Variants in GLG1 observed in about 807,000 individuals in gnomAD.
The protein encoded by GLG1 is Golgi apparatus protein 1.
A neutral mutation model predicts 160.5 loss-of-function variants in GLG1; 38 were observed. That is an observed-to-expected ratio of 0.24 (90% CI 0.18 to 0.31). The LOEUF is 0.31. Ranked by LOEUF, GLG1 falls within the 10% of genes least tolerant of loss-of-function variation. The pLI is 1.00. For missense variants in GLG1, 1,373 were observed against 1,505.2 expected (o/e 0.91, Z 1.45); for synonymous variants, 644 against 543.4 (o/e 1.19, Z -2.57).
At position 74,606,905 on chromosome 16, in the gene GLG1, G is replaced by A. The variant is rs1465322193; in HGVS notation, c.190C>T (p.Pro64Ser). Residue 64 changes from proline (P) to serine (S), a missense_variant, in exon 1 of 26, where the codon CCC becomes TCC. Physicochemically the swap from Pro to Ser is moderately conservative, Grantham distance 74 (BLOSUM62 -1). Around this residue, in one of 4 missense-constraint regions of GLG1, gnomAD observed 322 missense variants for 254.6 expected, o/e 1.26. Transcript: ENST00000422840. ...GGGGPAGQQL[P>S]QLPQSSQLQQ... ...AGCTGCGATGACTGAGGCAGCTGGG[G>A]CAGCTGCTGACCCGCCGGGCCGCCG... 1.2e-6 allele frequency: 2 copies of A among 1,605,054 alleles called. No individual in the cohort carries two copies. The highest frequency in any genetic ancestry group is 1.3e-5 in the African/African-American group (1 of 75,008).
At chr16:74,510,101 G>A (rs982739137) in intron 2 of GLG1, among the ~76,000 whole-genome samples, 3 of 150,482 alleles carry the variant, frequency 2.0e-5, no homozygotes, top group Admixed American at 1.3e-4. Context: ...GCGCGATCTC[G>A]GCTCACCACA....
rs1292801661 is a variant in GLG1 at position 74,450,947 on chromosome 16, C to A, written c.*2220G>T. 1 of 151,778 alleles carries A rather than the reference C, an allele frequency of 6.6e-6. No homozygotes were observed. Among genetic ancestry groups the A allele is most frequent in the Non-Finnish European group, 1.5e-5 (1 of 67,982 alleles). The allele number at this position is 151,778 out of a possible 1,614,324, so 9.4% of individuals were successfully genotyped here. A position where few individuals can be genotyped will look rare whatever the true frequency, so the allele number is the denominator to read the frequency against. ...GGATTTTCTCTCAATTCAGAAAGAA[C>A]AGAAATATCAACACAATTAGAACTA... On this transcript the variant is annotated 3_prime_UTR_variant, in exon 26 of 26. Transcript: ENST00000422840.
chr16:74,481,098 A>G (rs2015582939), intron 10 of GLG1, among the ~76,000 whole-genome samples: 1 of 152,176 alleles, frequency 6.6e-6, no homozygotes, highest in South Asian at 2.1e-4. Flanking sequence ...CTTTTTACTA[A>G]ATACCTTTTT....
intron 7 of GLG1, among the ~76,000 whole-genome samples, chr16:74,491,770 C>T (rs1467330986): frequency 1.3e-5 from 2 of 151,048 alleles, no homozygotes; most frequent in Admixed American, 6.6e-5. Flanking sequence ...CTCCAAGTAG[C>T]TGGGACTACA....
intron 3 of GLG1, among the ~76,000 whole-genome samples, chr16:74,508,069 G>A (rs11648868): frequency 0.11 from 17,317 of 151,912 alleles, 1,097 homozygotes; most frequent in East Asian, 0.17. Context: ...GGTTCTACGA[G>A]TCCCCATAAT....
chr16:74,602,294 G>A (rs192508439), intron 1 of GLG1, among the ~76,000 whole-genome samples: 1 of 152,062 alleles, frequency 6.6e-6, no homozygotes, highest in Non-Finnish European at 1.5e-5. Context: ...TGGCAAGAAA[G>A]AATTTTTTTA....
chr16:74,598,833 G>A (rs940026414), intron 1 of GLG1, among the ~76,000 whole-genome samples: 9 of 151,794 alleles, frequency 5.9e-5, no homozygotes, highest in Admixed American at 5.3e-4. Flanking sequence ...GCAGTGAGTC[G>A]AGATCATTCC....
chr16:74,496,410 G>A (rs767052915), intron 5 of GLG1, 31 bp downstream of exon 5: 1 of 1,411,640 alleles, frequency 7.1e-7, no homozygotes, highest in South Asian at 1.2e-5. Context: ...AAAATAAAAG[G>A]AAGAAAAGAA....
At chr16:74,511,603 G>GAA (rs1304156822) in intron 2 of GLG1, among the ~76,000 whole-genome samples, 5 of 134,052 alleles carry the variant, frequency 3.7e-5, no homozygotes, top group African/African-American at 1.1e-4. Flanking sequence ...AAAAAAAAAA[G>GAA]AAAGAAAGAA....
intron 1 of GLG1, 21 bp downstream of exon 1, chr16:74,606,636 G>A: frequency 6.5e-7 from 1 of 1,534,656 alleles, no homozygotes; most frequent in Non-Finnish European, 8.8e-7. Context: ...TGGCCCTCCC[G>A]GCTTCGTCCC....
At chr16:74,465,944 C>G in intron 18 of GLG1, 131 bp from the exon 19 acceptor site, 1 of 812,620 alleles carries the variant, frequency 1.2e-6, no homozygotes, top group Admixed American at 2.2e-5. Flanking sequence ...CAATCGGAAT[C>G]AGGATTTCCT....
At chr16:74,503,821 T>C (rs1417543648) in intron 3 of GLG1, 75 bp from the exon 4 acceptor site, 4 of 985,370 alleles carry the variant, frequency 4.1e-6, no homozygotes, top group African/African-American at 1.6e-5. Flanking sequence ...AAGAGAAAAA[T>C]GTCTGAAATT....
At chr16:74,551,373 C>A (rs2018193505) in intron 1 of GLG1, among the ~76,000 whole-genome samples, 1 of 151,806 alleles carries the variant, frequency 6.6e-6, no homozygotes, top group African/African-American at 2.4e-5. Context: ...CGGCTCACTG[C>A]AACCTTAGCC....
intron 1 of GLG1, among the ~76,000 whole-genome samples, chr16:74,556,529 A>G (rs1195457327): frequency 1.3e-5 from 2 of 151,990 alleles, no homozygotes; most frequent in Non-Finnish European, 2.9e-5. Flanking sequence ...TCTACAAATA[A>G]AATAGTCAGC....
At chr16:74,482,446 G>C (rs1364220578) in intron 10 of GLG1, among the ~76,000 whole-genome samples, 1 of 152,160 alleles carries the variant, frequency 6.6e-6, no homozygotes, top group Non-Finnish European at 1.5e-5. Flanking sequence ...TGCGGAAAGA[G>C]GAGGGGAATG....
At position 74,508,820 on chromosome 16, in the gene GLG1, A is replaced by G. The variant is rs748000148; in HGVS notation, c.558+19T>C. ...TCCTCTAAGCCATTAGTTGTCTACA[A>G]AATTCTTTGACAACTTACCTCTGTT... On this transcript the variant is annotated intron_variant, in intron 3 of 25. Coordinates refer to ENST00000422840, the MANE Select transcript of GLG1 (RefSeq NM_001145667.2). 8 of 1,088,830 alleles carry G rather than the reference A, an allele frequency of 7.3e-6. No homozygotes were observed. The highest frequency in any genetic ancestry group is 1.1e-5 in the Non-Finnish European group (8 of 703,102). The allele number at this position is 1,088,830 out of a possible 1,614,324, so 67.4% of individuals were successfully genotyped here.
chr16:74,566,268 C>G lies in GLG1; in HGVS notation c.439-34115G>C, dbSNP rs987889157. 9.2e-5 allele frequency among the ~76,000 whole-genome samples: 14 copies of G among 152,294 alleles called. 2 individuals are homozygous for G. ...CATCATCAAGAAAGAAATGCAGAGG[C>G]CCACCTCCTGGACAGGGAAAGTATC... On this transcript the variant is annotated intron_variant, in intron 1 of 25. Transcript: ENST00000422840.
chr16:74,492,979 G>A lies in GLG1; in HGVS notation c.1212C>T (p.Cys404=). 6.2e-7 allele frequency: 1 copy of A among 1,611,790 alleles called. No individual in the cohort carries two copies. The highest frequency in any genetic ancestry group is 2.2e-5 in the East Asian group (1 of 44,830). The change falls in exon 7 of 26, where the codon TGC becomes TGT. Residue 404 remains cysteine (C), a synonymous_variant. Coordinates refer to ENST00000422840, the MANE Select transcript of GLG1 (RefSeq NM_001145667.2). ...REARLSYLLM[C]LESAVHRGRQ... The stretch of plus-strand genomic sequence containing the variant: ...TACCTCTGTGTACAGCTGACTCCAG[G>A]CACATTAACAAGTAGGAGAGCCTGG...
At chr16:74,563,412 T>C (rs2018562357) in intron 1 of GLG1, 1 of 152,054 alleles carries the variant, frequency 6.6e-6, no homozygotes, top group South Asian at 2.1e-4. Flanking sequence ...GAGTTTGGAG[T>C]AAACGATACA....
Sources: allele counts gnomAD v4.1 joint callset (sites outside exome capture counted in the v4.1 genomes callset), GRCh38; gene constraint gnomAD v4.1.1; regional missense constraint gnomAD v4.1.1; transcripts MANE v1.5; gene names NCBI Gene and HGNC (gene_info 2026-07-23, HGNC 2026-07-21).